IPCEF1: variants seen among roughly 807,000 people sequenced by gnomAD.
IPCEF1 encodes interaction protein for cytohesin exchange factors 1, also known as interactor protein for cytohesin exchange factors 1.
A neutral mutation model predicts 50.9 loss-of-function variants in IPCEF1; 31 were observed. That is an observed-to-expected ratio of 0.61 (90% confidence interval 0.46 to 0.82). The LOEUF is 0.82. IPCEF1 is among the 40% of genes least tolerant of loss of function. IPCEF1 has a pLI of 0.00. For missense variants in IPCEF1, 458 were observed against 514.0 expected, an observed-to-expected ratio of 0.89 and a Z score of 1.05; for synonymous variants, 181 against 192.0, an observed-to-expected ratio of 0.94 and a Z score of 0.47.
rs565468306 is a variant in IPCEF1, at chr6:154,231,125, G to A, written c.247-7882C>T. 2.6e-5 allele frequency among the ~76,000 whole-genome samples: 4 copies of A among 152,236 alleles called. No homozygotes were observed. In the Middle Eastern group the frequency reaches 0.01, roughly 388 times the overall value. ...GAGCTGAGCTGCCCATTCTCATGCC[G>A]CCTTAGAACAGTTGTCTCTAGATTC... On this transcript the variant is annotated intron_variant, in intron 5 of 11. Transcript: ENST00000367220.
rs1304713968 is a variant in IPCEF1 at position 154,157,048 on chromosome 6, CA to C, written c.*2779del. ...GGTATAGGAATTGGCCCTTGGACCC[CA>C]GGAAACTACCCCAAATGCATTTCAG... is the stretch of plus-strand genomic sequence containing the variant. On this transcript the variant is annotated 3_prime_UTR_variant, in exon 12 of 12. Transcript: ENST00000367220. The C allele has an allele frequency of 1.8e-4, 28 of 152,388 alleles. No individual in the cohort carries two copies. The highest frequency in any genetic ancestry group is 6.7e-4 in the African/African-American group (28 of 41,566). 9.4% of individuals were successfully genotyped at this position (152,388 alleles called of 1,614,324 possible).
intron 1 of IPCEF1, among the ~76,000 whole-genome samples, chr6:154,294,141 A>T (rs900347445): frequency 3.3e-5 from 5 of 152,188 alleles, no homozygotes; most frequent in Non-Finnish European, 7.3e-5. Flanking sequence ...CAATCCTCTT[A>T]AAGCAAAGAA....
chr6:154,201,478 T>C (rs530413292), intron 9 of IPCEF1, among the ~76,000 whole-genome samples: 4 of 152,320 alleles, frequency 2.6e-5, no homozygotes, highest in African/African-American at 9.6e-5. Context: ...TCAAAAAATC[T>C]AGACTCCAGT....
At chr6:154,203,445 A>G (rs73789371) in intron 9 of IPCEF1, among the ~76,000 whole-genome samples, 178 of 152,286 alleles carry the variant, frequency 1.2e-3, no homozygotes, top group African/African-American at 4.2e-3. Context: ...TTAAACACAG[A>G]TATTTTCCAA....
At chr6:154,189,735 G>A (rs914170277) in intron 10 of IPCEF1, among the ~76,000 whole-genome samples, 4 of 152,054 alleles carry the variant, frequency 2.6e-5, no homozygotes, top group Non-Finnish European at 4.4e-5. Flanking sequence ...TTGGGAGGCC[G>A]AGGTGGGTGG....
chr6:154,221,503 GA>G (rs1778854567), intron 6 of IPCEF1, among the ~76,000 whole-genome samples, 175 bp from the exon 7 acceptor site: 1 of 152,148 alleles, frequency 6.6e-6, no homozygotes. Context: ...TTCATATAGA[GA>G]ACTAAGAGTC....
chr6:154,252,458 C>T lies in IPCEF1; in HGVS notation c.37-4970G>A, dbSNP rs558334766. 3.2e-4 allele frequency among the ~76,000 whole-genome samples: 49 copies of T among 152,198 alleles called. 1 individual carries two copies. Among genetic ancestry groups the T allele is most frequent in the Admixed American group, 4.6e-4 (7 of 15,278 alleles). On this transcript the variant is annotated intron_variant, in intron 3 of 11. Transcript: ENST00000367220. ...TTGGGAGGCCAGGGTGGGCGGATCA[C>T]GAGATCAGGAGTTCAAGAACAGCCT...
At chr6:154,185,779 GA>G (rs1445675306) in intron 10 of IPCEF1, among the ~76,000 whole-genome samples, 5 of 152,008 alleles carry the variant, frequency 3.3e-5, no homozygotes, top group Non-Finnish European at 7.4e-5. Flanking sequence ...AAGCTAAAAA[GA>G]AAAAAATCAC....
At chr6:154,259,629 G>A (rs901420652) in intron 3 of IPCEF1, among the ~76,000 whole-genome samples, 1 of 151,992 alleles carries the variant, frequency 6.6e-6, no homozygotes. Context: ...TCCAGCCTGG[G>A]CAATAAGAGC....
At chr6:154,284,828 C>T (rs897461312) in intron 2 of IPCEF1, among the ~76,000 whole-genome samples, 6 of 152,064 alleles carry the variant, frequency 3.9e-5, no homozygotes, top group Non-Finnish European at 7.4e-5. Flanking sequence ...AGTGAAACCC[C>T]GTCTCTACTA....
At chr6:154,197,039 T>C (rs1299451648) in intron 10 of IPCEF1, among the ~76,000 whole-genome samples, 2 of 152,220 alleles carry the variant, frequency 1.3e-5, no homozygotes, top group Admixed American at 6.5e-5. Flanking sequence ...TAAGAATCTT[T>C]GCTAGGATGA....
chr6:154,201,865 A>G (rs1222648121), intron 9 of IPCEF1, among the ~76,000 whole-genome samples: 1 of 152,250 alleles, frequency 6.6e-6, no homozygotes, highest in Admixed American at 6.5e-5. Flanking sequence ...ATTGTACTCC[A>G]GCCTGGGCAA....
At chr6:154,302,535 C>T (rs978034396) in intron 1 of IPCEF1, among the ~76,000 whole-genome samples, 2 of 152,272 alleles carry the variant, frequency 1.3e-5, no homozygotes, top group Non-Finnish European at 1.5e-5. Flanking sequence ...AGTGCAGTGG[C>T]ATGAGCTCAG....
At chr6:154,181,419 C>T (rs1037318518) in intron 10 of IPCEF1, among the ~76,000 whole-genome samples, 1 of 152,188 alleles carries the variant, frequency 6.6e-6, no homozygotes, top group East Asian at 1.9e-4. Flanking sequence ...TCACCAAATT[C>T]ACAAAGAGAC....
At chr6:154,349,069 A>C (rs189468373) in intron 1 of IPCEF1, among the ~76,000 whole-genome samples, 2 of 152,322 alleles carry the variant, frequency 1.3e-5, no homozygotes, top group Admixed American at 6.5e-5. Context: ...AAACTGTGAC[A>C]CTTTACAAAG....
intron 1 of IPCEF1, among the ~76,000 whole-genome samples, chr6:154,324,225 C>A (rs1783465034): frequency 6.6e-6 from 1 of 152,152 alleles, no homozygotes. Flanking sequence ...AATAAAGCTA[C>A]ATTTTATCAA....
chr6:154,262,545 G>A (rs1781627197), intron 3 of IPCEF1, among the ~76,000 whole-genome samples: 1 of 152,072 alleles, frequency 6.6e-6, no homozygotes. Context: ...AAATAAATTT[G>A]TTAATTTAAA....
intron 5 of IPCEF1, among the ~76,000 whole-genome samples, chr6:154,229,376 G>GTC (rs1192999084): frequency 7.4e-6 from 1 of 134,324 alleles, no homozygotes; most frequent in East Asian, 2.2e-4. Context: ...TTGAGACGGA[G>GTC]TCTCTCTCTG....
rs1291588275 is a variant in IPCEF1, at chr6:154,259,008, T to C, written c.36+6904A>G. On this transcript the variant is annotated intron_variant, in intron 3 of 11. Transcript: ENST00000367220. ...GCCTTCCTATGTGCCTGGCAGATAG[T>C]GGAACTTTGACAGATGTCTGCAAAG... is the stretch of plus-strand genomic sequence containing the variant. Among the ~76,000 whole-genome samples the C allele has an allele frequency of 4.6e-5, 7 of 152,344 alleles. No homozygotes were observed. In the East Asian group the frequency reaches 1.3e-3, roughly 29 times the overall value.
Sources: allele counts gnomAD v4.1 joint callset (sites outside exome capture counted in the v4.1 genomes callset), GRCh38; gene constraint gnomAD v4.1.1; transcripts MANE v1.5; gene names NCBI Gene and HGNC (gene_info 2026-07-23, HGNC 2026-07-21).